The following PAPPA2 variants were observed in gnomAD, a reference collection of about 807,000 sequenced individuals.
PAPPA2 encodes pappalysin 2, also known as pappalysin-2.
PAPPA2 carries 86 observed loss-of-function variants against 176.4 expected under a neutral mutation model. That is an observed-to-expected ratio of 0.49 (90% CI 0.41 to 0.58). PAPPA2 has a LOEUF of 0.58. Among genes scored for constraint, PAPPA2 ranks in the 20% least tolerant of loss-of-function variants. The pLI, the probability that PAPPA2 is intolerant of heterozygous loss-of-function variation, is 0.00. For synonymous variants in PAPPA2, 809 were observed against 852.2 expected (o/e 0.95, Z 0.88); for missense variants, 2,073 against 2,256.9 (o/e 0.92, Z 1.65).
At chr1:176,727,839 T>G (rs1228425638) in intron 12 of PAPPA2, among the ~76,000 whole-genome samples, 1 of 151,972 alleles carries the variant, frequency 6.6e-6, no homozygotes, top group Middle Eastern at 3.2e-3. Flanking sequence ...GTTTGAAGCA[T>G]ACAGACAAAT....
intron 14 of PAPPA2, among the ~76,000 whole-genome samples, chr1:176,748,149 G>C (rs187274077): frequency 8.6e-4 from 131 of 152,308 alleles, no homozygotes; most frequent in Non-Finnish European, 1.6e-3. Context: ...GATTTCAAAA[G>C]GCAGGGATTA....
intron 1 of PAPPA2, among the ~76,000 whole-genome samples, chr1:176,493,767 C>T (rs553592685): frequency 5.3e-5 from 8 of 152,286 alleles, no homozygotes; most frequent in African/African-American, 1.7e-4. Flanking sequence ...CACAAGGAAA[C>T]TCACAGAATG....
intron 17 of PAPPA2, among the ~76,000 whole-genome samples, chr1:176,786,964 C>G (rs1436320182): frequency 6.6e-6 from 1 of 152,088 alleles, no homozygotes; most frequent in African/African-American, 2.4e-5. Flanking sequence ...GGAAAAACTA[C>G]CTACAGGATA....
chr1:176,686,558 C>T (rs771102864), intron 4 of PAPPA2, among the ~76,000 whole-genome samples: 2 of 152,054 alleles, frequency 1.3e-5, no homozygotes, highest in African/African-American at 4.8e-5. Context: ...TAAAGGTTGG[C>T]GAATCTGGGT....
intron 12 of PAPPA2, among the ~76,000 whole-genome samples, chr1:176,732,237 T>A (rs1338492432): frequency 6.6e-6 from 1 of 152,188 alleles, no homozygotes; most frequent in East Asian, 1.9e-4. Context: ...TAACAGTATT[T>A]GTTATCTGAA....
chr1:176,835,462 G>A (rs1667236138), intron 21 of PAPPA2, among the ~76,000 whole-genome samples: 1 of 152,176 alleles, frequency 6.6e-6, no homozygotes, highest in Non-Finnish European at 1.5e-5. Context: ...CAACAACAGT[G>A]TGAAAGGGTT....
chr1:176,659,713 T>C (rs1290492080), intron 3 of PAPPA2, among the ~76,000 whole-genome samples: 1 of 152,104 alleles, frequency 6.6e-6, no homozygotes, highest in Non-Finnish European at 1.5e-5. Flanking sequence ...ATCTTCAAGA[T>C]TGTAACAATT....
rs140456430 is a variant in PAPPA2, at chr1:176,675,646, C to T, written c.2137+4531C>T. Among the ~76,000 whole-genome samples, 776 of 152,062 alleles carry T rather than the reference C, an allele frequency of 5.1e-3. 13 individuals carry two copies. Among genetic ancestry groups the T allele is most frequent in the African/African-American group, 0.017 (706 of 41,502 alleles). On this transcript the variant is annotated intron_variant, in intron 4 of 22. Transcript: ENST00000367662. ...GAGATCTTAGGAAACATTTAAGACT[C>T]CATGAAAAATTTCTATTGTAAATTA... is the stretch of plus-strand genomic sequence containing the variant.
chr1:176,720,052 A>G (rs1287545303), intron 12 of PAPPA2, among the ~76,000 whole-genome samples: 1 of 152,208 alleles, frequency 6.6e-6, no homozygotes, highest in Admixed American at 6.5e-5. Flanking sequence ...GTTAAAATTA[A>G]TATATTGTGC....
chr1:176,527,315 C>T (rs1649553233), intron 1 of PAPPA2, among the ~76,000 whole-genome samples: 1 of 152,172 alleles, frequency 6.6e-6, no homozygotes, highest in South Asian at 2.1e-4. Flanking sequence ...TCACATTTGA[C>T]CCAATGACAA....
At chr1:176,513,718 A>G (rs1358869397) in intron 1 of PAPPA2, among the ~76,000 whole-genome samples, 1 of 152,068 alleles carries the variant, frequency 6.6e-6, no homozygotes, top group Admixed American at 6.6e-5. Flanking sequence ...GTTTCTTACA[A>G]TTATTCCCTG....
At chr1:176,623,660 TTTCTTTC>T (rs1655772705) in intron 3 of PAPPA2, among the ~76,000 whole-genome samples, 2 of 119,042 alleles carry the variant, frequency 1.7e-5, no homozygotes, top group Non-Finnish European at 3.8e-5. Context: ...TCTTTCTTTC[TTTCTTTC>T]TTTTTCTTTC....
At chr1:176,792,648 A>G (rs1665232782) in intron 19 of PAPPA2, among the ~76,000 whole-genome samples, 1 of 152,216 alleles carries the variant, frequency 6.6e-6, no homozygotes, top group Non-Finnish European at 1.5e-5. Flanking sequence ...CCAGCATGGC[A>G]CATGTATACA....
intron 1 of PAPPA2, 100 bp downstream of exon 1, chr1:176,463,518 C>T (rs2102454603): frequency 6.6e-6 from 1 of 152,350 alleles, no homozygotes; most frequent in South Asian, 2.1e-4. Flanking sequence ...GGGTGTTAGA[C>T]TTCTTGTATT....
At chr1:176,621,519 T>C (rs1003782848) in intron 3 of PAPPA2, among the ~76,000 whole-genome samples, 9 of 152,212 alleles carry the variant, frequency 5.9e-5, no homozygotes, top group Admixed American at 1.3e-4. Flanking sequence ...GACCTCACTC[T>C]TCTAAGTAAT....
chr1:176,730,378 A>G (rs1190532760), intron 12 of PAPPA2, among the ~76,000 whole-genome samples: 1 of 151,844 alleles, frequency 6.6e-6, no homozygotes, highest in Non-Finnish European at 1.5e-5. Context: ...TTTCTTCCAT[A>G]TATGCAAATT....
At chr1:176,780,445 G>A (rs998849272) in intron 17 of PAPPA2, among the ~76,000 whole-genome samples, 1 of 152,168 alleles carries the variant, frequency 6.6e-6, no homozygotes, top group Non-Finnish European at 1.5e-5. Flanking sequence ...GTAGAAAAGA[G>A]AGGGAGGGAA....
intron 17 of PAPPA2, among the ~76,000 whole-genome samples, chr1:176,771,895 C>T (rs1008619058): frequency 6.6e-6 from 1 of 152,154 alleles, no homozygotes; most frequent in Admixed American, 6.5e-5. Context: ...CTCATCTCCC[C>T]TTTATCAGCT....
chr1:176,805,061 CCCTTCCTTCCTTCCTT>C (rs61431554), intron 21 of PAPPA2, among the ~76,000 whole-genome samples: 2 of 146,948 alleles, frequency 1.4e-5, no homozygotes, highest in Non-Finnish European at 3.0e-5. Context: ...CTTCTTCCTT[CCCTTCCTTCCTTCCTT>C]CCTTCCTTCC....
Sources: allele counts gnomAD v4.1 joint callset (sites outside exome capture counted in the v4.1 genomes callset), GRCh38; gene constraint gnomAD v4.1.1; transcripts MANE v1.5; gene names NCBI Gene and HGNC (gene_info 2026-07-23, HGNC 2026-07-21).